Variants in APAF1 observed in about 807,000 individuals in gnomAD.
APAF1 encodes the protein apoptotic protease-activating factor 1.
A neutral mutation model predicts 152.4 loss-of-function variants in APAF1; 91 were observed. The ratio of observed to expected loss-of-function variants is 0.60; its 90% CI spans 0.50 to 0.71. APAF1 has a LOEUF of 0.71. APAF1 is among the 30% of genes least tolerant of loss of function. The probability of loss-of-function intolerance (pLI) is 0.00; values close to 1 mark genes in which losing one functional copy is unlikely to be tolerated. For synonymous variants in APAF1, 484 were observed against 494.1 expected (o/e 0.98, Z 0.27); for missense variants, 1,283 against 1,472.0 (o/e 0.87, Z 2.10).
intron 25 of APAF1, among the ~76,000 whole-genome samples, chr12:98,726,896 G>T (rs779418235): frequency 2.0e-5 from 3 of 152,044 alleles, no homozygotes; most frequent in Non-Finnish European, 4.4e-5. Flanking sequence ...GATTTTCTAG[G>T]GAGAGATTTA....
At chr12:98,716,958 T>G (rs2097735445) in intron 22 of APAF1, among the ~76,000 whole-genome samples, 1 of 152,026 alleles carries the variant, frequency 6.6e-6, no homozygotes, top group South Asian at 2.1e-4. Context: ...CTCTGCCTCC[T>G]GGGTTCAGGC....
chr12:98,688,470 CTTTT>C (rs66619012), intron 16 of APAF1, among the ~76,000 whole-genome samples: 2 of 97,312 alleles, frequency 2.1e-5, no homozygotes, highest in Non-Finnish European at 4.2e-5. Flanking sequence ...TGTTTTCTTT[CTTTT>C]TTTTTTTTTT....
intron 16 of APAF1, 128 bp downstream of exon 16, chr12:98,687,001 A>G (rs2097698695): frequency 1.1e-6 from 1 of 931,700 alleles, no homozygotes; most frequent in African/African-American, 1.7e-5. Flanking sequence ...TTCCAGGAGC[A>G]TATTTAATGT....
chr12:98,667,402 C>T lies in APAF1; in HGVS notation c.1363-111C>T, dbSNP rs898539746. ...AAGTGCTGGGATTACAGGCGTGAGC[C>T]ACCGAGCCCGGCCTCTCTGTACATT... On this transcript the variant is annotated intron_variant, in intron 9 of 26. Coordinates refer to ENST00000551964, the MANE Select transcript of APAF1 (RefSeq NM_181861.2). 38 of 1,355,176 alleles carry T rather than the reference C, an allele frequency of 2.8e-5. No homozygotes were observed. In the South Asian group the frequency reaches 4.0e-4, roughly 14 times the overall value. 83.9% of individuals were successfully genotyped at this position (1,355,176 alleles called of 1,614,324 possible).
At chr12:98,719,186 C>T (rs1337093811) in intron 22 of APAF1, among the ~76,000 whole-genome samples, 1 of 152,154 alleles carries the variant, frequency 6.6e-6, no homozygotes, top group South Asian at 2.1e-4. Context: ...TTCCATTGCA[C>T]TTTTCGGTGA....
intron 23 of APAF1, 21 bp from the exon 24 acceptor site, chr12:98,723,618 T>TC: frequency 2.0e-6 from 3 of 1,474,674 alleles, no homozygotes; most frequent in Non-Finnish European, 2.8e-6. Flanking sequence ...AACCTCCAAG[T>TC]GTTTTTTTTT....
chr12:98,651,587 G>C (rs2097649043), intron 4 of APAF1, among the ~76,000 whole-genome samples: 5 of 152,196 alleles, frequency 3.3e-5, no homozygotes, highest in African/African-American at 1.2e-4. Flanking sequence ...CAGCAAAGCT[G>C]GGTTGAACTT....
chr12:98,717,558 T>G (rs2097736359), intron 22 of APAF1, among the ~76,000 whole-genome samples: 1 of 151,892 alleles, frequency 6.6e-6, no homozygotes, highest in African/African-American at 2.4e-5. Context: ...GTATATTTAG[T>G]AGAGATGGGG....
intron 13 of APAF1, 83 bp downstream of exon 13, chr12:98,677,634 C>A: frequency 6.4e-7 from 1 of 1,560,702 alleles, no homozygotes; most frequent in Non-Finnish European, 8.8e-7. Flanking sequence ...TCCTAAAATT[C>A]AAGAAAATTG....
At chr12:98,723,050 A>T in intron 22 of APAF1, 143 bp from the exon 23 acceptor site, 1 of 797,744 alleles carries the variant, frequency 1.3e-6, no homozygotes, top group South Asian at 1.6e-5. Context: ...TGGACACCAC[A>T]GTCTTCTCTC....
intron 4 of APAF1, among the ~76,000 whole-genome samples, chr12:98,654,707 G>A (rs1197083499): frequency 6.6e-6 from 1 of 151,546 alleles, no homozygotes; most frequent in Non-Finnish European, 1.5e-5. Flanking sequence ...GTGCCTGGCC[G>A]ATTTTTACAA....
At chr12:98,700,957 A>G (rs1256017227) in intron 17 of APAF1, among the ~76,000 whole-genome samples, 1 of 151,862 alleles carries the variant, frequency 6.6e-6, no homozygotes, top group African/African-American at 2.4e-5. Flanking sequence ...TGGCTGAATA[A>G]TATTCCATTG....
rs1452948462 is a variant in APAF1, at chr12:98,659,316, G to A, written c.683G>A (p.Arg228His). 1.2e-5 allele frequency: 19 copies of A among 1,614,006 alleles called. No individual in the cohort carries two copies. The highest frequency in any genetic ancestry group is 4.0e-5 in the African/African-American group (3 of 74,918). ...LNIEEAKDRLRILMLRKHPRS... is the reference protein window; with the variant it reads ...LNIEEAKDRLHILMLRKHPRS... ...ATTGAAGAGGCTAAAGACCGTCTCC[G>A]CATTCTGATGCTTCGCAAACACCCA... Residue 228 changes from arginine (R) to histidine (H), a missense_variant, in exon 5 of 27, where the codon CGC becomes CAC. By Grantham distance (29) the Arg-to-His change is conservative (BLOSUM62 0). Coordinates refer to ENST00000551964, the MANE Select transcript of APAF1 (RefSeq NM_181861.2).
chr12:98,655,139 G>T (rs1180632512), intron 4 of APAF1, among the ~76,000 whole-genome samples: 3 of 109,936 alleles, frequency 2.7e-5, no homozygotes, highest in Non-Finnish European at 5.6e-5. Flanking sequence ...AGAGCACAGG[G>T]TTGGGGGTAA....
At chr12:98,648,227 T>C in intron 1 of APAF1, 92 bp from the exon 2 acceptor site, 1 of 1,271,964 alleles carries the variant, frequency 7.9e-7, no homozygotes, top group South Asian at 1.3e-5. Context: ...AAAATCAGTT[T>C]TGTTCTTTTT....
At chr12:98,680,477 G>A (rs1322118055) in intron 14 of APAF1, 75 bp downstream of exon 14, 3 of 1,448,920 alleles carry the variant, frequency 2.1e-6, no homozygotes, top group Non-Finnish European at 1.9e-6. Context: ...TGAGACCAGA[G>A]TAAGTAGAGT....
At position 98,665,278 on chromosome 12, in the gene APAF1, A is replaced by ATATATATATAT. The variant is rs1491316422; in HGVS notation, c.956-274_956-273insATATATATATT. Among the ~76,000 whole-genome samples the ATATATATATAT allele has an allele frequency of 4.5e-3, 296 of 65,966 alleles. 5 individuals carry two copies. Among genetic ancestry groups the ATATATATATAT allele is most frequent in the African/African-American group, 0.016 (275 of 17,704 alleles). 43.3% of individuals were successfully genotyped at this position (65,966 alleles called of 152,430 possible). On this transcript the variant is annotated intron_variant, in intron 7 of 26. Coordinates refer to ENST00000551964, the MANE Select transcript of APAF1 (RefSeq NM_181861.2). ...CGCATATATATATATATATATATAT[A>ATATATATATAT]TTTTTTTTTTTTTTTGTAATGACAT...
chr12:98,683,044 G>C lies in APAF1; in HGVS notation c.2047-99G>C, dbSNP rs562710823. On this transcript the variant is annotated intron_variant, in intron 14 of 26. Transcript: ENST00000551964. ...CAACTAGGAAAATCTGCTATGACAG[G>C]ATAAGATAGCATTTGCAAAGCAATG... 27 of 916,946 alleles carry C rather than the reference G, an allele frequency of 2.9e-5. No individual in the cohort carries two copies. In the African/African-American group the frequency reaches 4.3e-4, roughly 15 times the overall value. The allele number at this position is 916,946 out of a possible 1,614,324, so 56.8% of individuals were successfully genotyped here. A position where few individuals can be genotyped will look rare whatever the true frequency, so the allele number is the denominator to read the frequency against.
At chr12:98,677,958 A>T (rs1407852696) in intron 13 of APAF1, among the ~76,000 whole-genome samples, 1 of 152,012 alleles carries the variant, frequency 6.6e-6, no homozygotes, top group Admixed American at 6.6e-5. Context: ...ACTGGACTAG[A>T]CTATTTCCTA....
Sources: gnomAD v4.1 joint callset for allele counts (sites outside exome capture counted in the v4.1 genomes callset) on GRCh38, gnomAD v4.1.1 for gene constraint, MANE v1.5 for transcripts, NCBI Gene and HGNC (gene_info 2026-07-23, HGNC 2026-07-21) for gene names.